Variants in HHAT observed in about 807,000 individuals in gnomAD.
HHAT encodes the protein protein-cysteine N-palmitoyltransferase HHAT.
In HHAT, 47 loss-of-function variants were observed where a neutral mutation model predicts 70.8. The ratio of observed to expected loss-of-function variants is 0.66; its 90% CI spans 0.53 to 0.85. The LOEUF is 0.85. Ranked by LOEUF, HHAT falls within the 40% of genes least tolerant of loss-of-function variation. The pLI is 0.00. For missense variants in HHAT, 609 were observed against 604.8 expected (o/e 1.01, Z -0.07); for synonymous variants, 228 against 247.6 (o/e 0.92, Z 0.74).
intron 11 of HHAT, among the ~76,000 whole-genome samples, chr1:210,640,687 C>T (rs769723636): frequency 1.1e-4 from 17 of 150,720 alleles, no homozygotes; most frequent in South Asian, 2.1e-4. Flanking sequence ...CCCCCACACA[C>T]GCACCCCTTT....
chr1:210,554,452 C>CT (rs1183225693), intron 9 of HHAT, among the ~76,000 whole-genome samples: 1 of 152,050 alleles, frequency 6.6e-6, no homozygotes, highest in Admixed American at 6.6e-5. Context: ...GGGTTTGTGC[C>CT]TTGAAGGTTG....
intron 11 of HHAT, among the ~76,000 whole-genome samples, chr1:210,650,281 G>T (rs1470875336): frequency 6.6e-6 from 1 of 152,210 alleles, no homozygotes; most frequent in East Asian, 1.9e-4. Context: ...GAGGCTCAGA[G>T]AAGTTGGTTT....
intron 9 of HHAT, among the ~76,000 whole-genome samples, chr1:210,526,367 G>GTTTTGTTTTGTTTTTTTT: frequency 7.0e-6 from 1 of 142,334 alleles, no homozygotes; most frequent in Admixed American, 7.1e-5. Flanking sequence ...AGTGGGTTCT[G>GTTTTGTTTTGTTTTTTTT]TTTTTTTTTT....
chr1:210,341,479 AC>A (rs1020559134), intron 1 of HHAT, among the ~76,000 whole-genome samples: 1 of 152,156 alleles, frequency 6.6e-6, no homozygotes, highest in African/African-American at 2.4e-5. Context: ...AGATCAAGGA[AC>A]AGGATTTCTG....
intron 11 of HHAT, among the ~76,000 whole-genome samples, chr1:210,635,933 G>A (rs1358157732): frequency 6.6e-6 from 1 of 151,466 alleles, no homozygotes; most frequent in East Asian, 1.9e-4. Flanking sequence ...GAAGGGGGGT[G>A]CCTTTTATAG....
intron 6 of HHAT, 72 bp downstream of exon 6, chr1:210,404,751 GACTC>G: frequency 7.9e-7 from 1 of 1,264,406 alleles, no homozygotes. Flanking sequence ...GGTCTTCTCT[GACTC>G]TTGAGTCGTT....
intron 2 of HHAT, among the ~76,000 whole-genome samples, chr1:210,357,758 T>C (rs1182681059): frequency 6.6e-6 from 1 of 152,150 alleles, no homozygotes; most frequent in Non-Finnish European, 1.5e-5. Flanking sequence ...AGGTGGAGCT[T>C]GCGGTGAGCC....
chr1:210,351,671 G>T (rs1449000461), intron 2 of HHAT, among the ~76,000 whole-genome samples: 3 of 152,222 alleles, frequency 2.0e-5, no homozygotes, highest in Non-Finnish European at 4.4e-5. Flanking sequence ...GCTCACTCAC[G>T]TGGCTGGCAG....
At chr1:210,448,576 T>TGAGA (rs1202829746) in intron 7 of HHAT, among the ~76,000 whole-genome samples, 1 of 152,096 alleles carries the variant, frequency 6.6e-6, no homozygotes, top group Non-Finnish European at 1.5e-5. Context: ...TACGAAGTAT[T>TGAGA]GAGATTGGAG....
In HHAT at chr1:210,399,861, A is replaced by G. The variant is rs138455382; in HGVS notation, c.274-607A>G. 2.5e-4 allele frequency among the ~76,000 whole-genome samples: 38 copies of G among 152,312 alleles called. 1 individual carries two copies. The East Asian group carries it at 7.1e-3, about 29-fold the overall frequency. On this transcript the variant is annotated intron_variant, in intron 4 of 11. Transcript: ENST00000261458. Reference sequence around the variant, plus strand: ...ATGTATCAATCAGGTAGACTATGCAAAGTCCTCAATAGCTCATAAAGCAGG... The same window carrying G: ...ATGTATCAATCAGGTAGACTATGCAGAGTCCTCAATAGCTCATAAAGCAGG...
chr1:210,349,417 GTCT>G (rs1558327681), intron 2 of HHAT, among the ~76,000 whole-genome samples: 2 of 152,094 alleles, frequency 1.3e-5, no homozygotes, highest in African/African-American at 2.4e-5. Context: ...GGTTCGTTTT[GTCT>G]TCTTCTGTCA....
chr1:210,675,300 T>TGTGTGTG lies in HHAT; in HGVS notation c.*921_*922insGTGTGTG, dbSNP rs1680934654. On this transcript the variant is annotated 3_prime_UTR_variant, in exon 12 of 12. Transcript: ENST00000261458. ...TTCAAACAGAGCCTTTTCTGTCCTGTAGATAATCTACATGTTTGTAGAATT... is the reference window on the plus strand; with the variant it reads ...TTCAAACAGAGCCTTTTCTGTCCTGTGTGTGTGAGATAATCTACATGTTTGTAGAATT... The TGTGTGTG allele has an allele frequency of 6.6e-6, 1 of 152,224 alleles. No individual in the cohort carries two copies. Among genetic ancestry groups the TGTGTGTG allele is most frequent in the Non-Finnish European group, 1.5e-5 (1 of 68,036 alleles). 9.4% of individuals were successfully genotyped at this position (152,224 alleles called of 1,614,324 possible). A position where few individuals can be genotyped will look rare whatever the true frequency, so the allele number is the denominator to read the frequency against.
intron 9 of HHAT, among the ~76,000 whole-genome samples, chr1:210,569,096 G>A (rs914062769): frequency 6.6e-6 from 1 of 152,032 alleles, no homozygotes; most frequent in Non-Finnish European, 1.5e-5. Context: ...AGCAGAGGCC[G>A]GGCACAATGG....
At chr1:210,567,765 GGAGA>G (rs1655126105) in intron 9 of HHAT, among the ~76,000 whole-genome samples, 1 of 152,286 alleles carries the variant, frequency 6.6e-6, no homozygotes, top group African/African-American at 2.4e-5. Flanking sequence ...TTATAGAGAT[GGAGA>G]GAGAGCCTTG....
intron 6 of HHAT, among the ~76,000 whole-genome samples, chr1:210,416,587 C>T (rs2092727724): frequency 6.6e-6 from 1 of 152,230 alleles, no homozygotes; most frequent in Non-Finnish European, 1.5e-5. Flanking sequence ...CTCTAAACAA[C>T]AGGCAGTGAG....
At chr1:210,332,284 G>A (rs1039315205) in intron 1 of HHAT, among the ~76,000 whole-genome samples, 1 of 152,212 alleles carries the variant, frequency 6.6e-6, no homozygotes, top group Non-Finnish European at 1.5e-5. Flanking sequence ...GACTTGAATA[G>A]TTGTGCAGCT....
chr1:210,435,020 A>G lies in HHAT; in HGVS notation c.856+16695A>G, dbSNP rs1490474338. ...TTTTCTTGCTGTTTTGAAACATACA[A>G]TCAATTAATGTTAACTATAGTTACC... On this transcript the variant is annotated intron_variant, in intron 7 of 11. Coordinates refer to ENST00000261458, the MANE Select transcript of HHAT (RefSeq NM_018194.6). 2.6e-5 allele frequency among the ~76,000 whole-genome samples: 4 copies of G among 151,822 alleles called. 1 individual carries two copies. The highest frequency in any genetic ancestry group is 9.7e-5 in the African/African-American group (4 of 41,128).
rs561260283 is a variant in HHAT, at chr1:210,390,891, A to G, written c.273+3310A>G. Among the ~76,000 whole-genome samples the G allele has an allele frequency of 1.4e-4, 22 of 152,104 alleles. No homozygotes were observed. The South Asian group carries it at 4.6e-3, about 32-fold the overall frequency. ...TATATATACCACATTATCTTTATCC[A>G]CTCATTGGTTGATGGGCACTTAGAT... On this transcript the variant is annotated intron_variant, in intron 4 of 11. Coordinates refer to ENST00000261458, the MANE Select transcript of HHAT (RefSeq NM_018194.6).
Position 210,334,178 on chromosome 1 carries a change from A to ATTTTTTTTTTTTTTTTTTTTTTTTTTTT in HHAT, c.-44+5094_-44+5095insTTTTTTTTTTTTTTTTTTTTTTTTTTTT, listed in dbSNP as rs3033354. 2.2e-3 allele frequency among the ~76,000 whole-genome samples: 218 copies of ATTTTTTTTTTTTTTTTTTTTTTTTTTTT among 99,978 alleles called. 62 individuals are homozygous for ATTTTTTTTTTTTTTTTTTTTTTTTTTTT. Among genetic ancestry groups the ATTTTTTTTTTTTTTTTTTTTTTTTTTTT allele is most frequent in the Middle Eastern group, 5.6e-3 (1 of 178 alleles). The allele number at this position is 99,978 out of a possible 152,430, so 65.6% of individuals were successfully genotyped here. On this transcript the variant is annotated intron_variant, in intron 1 of 11. Coordinates refer to ENST00000261458, the MANE Select transcript of HHAT (RefSeq NM_018194.6). The stretch of plus-strand genomic sequence containing the variant: ...TACTTGCTGGCCACTTTAGCGTGTC[A>ATTTTTTTTTTTTTTTTTTTTTTTTTTTT]TTTTTTTTTTTTTTTTTTTTGAGAA...
Sources: allele counts gnomAD v4.1 joint callset (sites outside exome capture counted in the v4.1 genomes callset), GRCh38; gene constraint gnomAD v4.1.1; transcripts MANE v1.5; gene names NCBI Gene and HGNC (gene_info 2026-07-23, HGNC 2026-07-21).